Variants in KCNQ1 observed in about 807,000 individuals in gnomAD.
KCNQ1 encodes the protein potassium voltage-gated channel subfamily KQT member 1.
In KCNQ1, 49 loss-of-function variants were observed where a neutral mutation model predicts 72.4. That is an observed-to-expected ratio of 0.68 (90% CI 0.54 to 0.86). The LOEUF is 0.86. Ranked by LOEUF, KCNQ1 falls within the 40% of genes least tolerant of loss-of-function variation. The probability of loss-of-function intolerance (pLI) is 0.00; values close to 1 mark genes in which losing one functional copy is unlikely to be tolerated. For synonymous variants in KCNQ1, 450 were observed against 412.6 expected, an observed-to-expected ratio of 1.09 and a Z score of -1.10; for missense variants, 790 against 945.1, an observed-to-expected ratio of 0.84 and a Z score of 2.15.
Position 2,521,005 on chromosome 11 carries a change from C to G in KCNQ1, c.387-6923C>G, listed in dbSNP as rs938953766. On this transcript the variant is annotated intron_variant, in intron 1 of 15. Transcript: ENST00000155840. ...ACCAGCCACGGGGAACATTTTGAAC[C>G]CTCTGATGCTTGCTCTATGAATGTT... is the stretch of plus-strand genomic sequence containing the variant. 7.9e-5 allele frequency among the ~76,000 whole-genome samples: 11 copies of G among 139,070 alleles called. No individual in the cohort carries two copies. In the East Asian group the frequency reaches 2.4e-3, roughly 30 times the overall value. 91.2% of individuals were successfully genotyped at this position (139,070 alleles called of 152,430 possible). A position where few individuals can be genotyped will look rare whatever the true frequency, so the allele number is the denominator to read the frequency against.
intron 10 of KCNQ1, chr11:2,638,647 T>A (rs965785511): frequency 6.6e-6 from 1 of 152,204 alleles, no homozygotes; most frequent in Non-Finnish European, 1.5e-5. Flanking sequence ...CTGACAATTA[T>A]GTGTCTTGGA....
Position 2,550,790 on chromosome 11 carries a change from A to G in KCNQ1, c.478-19838A>G, listed in dbSNP as rs1024680870. Among the ~76,000 whole-genome samples, 1 of 152,094 alleles carries G rather than the reference A, an allele frequency of 6.6e-6. No homozygotes were observed. The highest frequency in any genetic ancestry group is 1.5e-5 in the Non-Finnish European group (1 of 68,010). On this transcript the variant is annotated intron_variant, in intron 2 of 15. Coordinates refer to ENST00000155840, the MANE Select transcript of KCNQ1 (RefSeq NM_000218.3). The surrounding 1 kb of genome is among the most constrained non-coding windows in gnomAD (Gnocchi z 6.0). Reference sequence around the variant, plus strand: ...CAAATAGGGCTGGAGTCCCGAGTACAAGGCATGGACAGGAGCCAGGCTTCA... The same window carrying G: ...CAAATAGGGCTGGAGTCCCGAGTACGAGGCATGGACAGGAGCCAGGCTTCA...
intron 11 of KCNQ1, chr11:2,694,240 A>C (rs748022688): frequency 2.5e-6 from 1 of 398,694 alleles, no homozygotes; most frequent in Non-Finnish European, 4.4e-6. Context: ...GGCAGGATGC[A>C]AGCCAGGGCC....
In KCNQ1 at chr11:2,678,487, A is replaced by G. The variant is rs1196574039; in HGVS notation, c.1514+16406A>G. 1.8e-5 allele frequency: 7 copies of G among 398,396 alleles called. No individual in the cohort carries two copies. Among genetic ancestry groups the G allele is most frequent in the Non-Finnish European group, 3.1e-5 (7 of 226,054 alleles). 24.7% of individuals were successfully genotyped at this position (398,396 alleles called of 1,614,324 possible). On this transcript the variant is annotated intron_variant, in intron 11 of 15. Transcript: ENST00000155840. The surrounding 1 kb of genome is among the most constrained non-coding windows in gnomAD (Gnocchi z 4.9). ...TTTATCATATTTCAAACTCTCATTT[A>G]ATTTGTGTCCATTTCTAGACTCTAT...
intron 15 of KCNQ1, among the ~76,000 whole-genome samples, chr11:2,841,896 A>C (rs1848221313): frequency 6.6e-6 from 1 of 152,256 alleles, no homozygotes; most frequent in South Asian, 2.1e-4. Flanking sequence ...AGAGGGAGGC[A>C]ACCCCGCTCC....
chr11:2,470,460 G>C (rs1445493091), intron 1 of KCNQ1, among the ~76,000 whole-genome samples: 2 of 152,308 alleles, frequency 1.3e-5, no homozygotes, highest in African/African-American at 4.8e-5. Flanking sequence ...GTATATCCCA[G>C]GGAGGCGGAA....
In KCNQ1 at chr11:2,611,313, G is replaced by A. The variant is rs559177437; in HGVS notation, c.1393+22459G>A. ...TGGCTCACTGCAACCTCTGCCTCCC[G>A]GATTCAAGCCGTTCTCTTGCCTCAG... On this transcript the variant is annotated intron_variant, in intron 10 of 15. Transcript: ENST00000155840. This position sits in a 1 kb window ranked among gnomAD's most constrained non-coding sequence, Gnocchi z 5.3. The A allele has an allele frequency of 3.5e-5, 14 of 397,248 alleles. No homozygotes were observed. The highest frequency in any genetic ancestry group is 1.4e-4 in the South Asian group (1 of 7,004). 24.6% of individuals were successfully genotyped at this position (397,248 alleles called of 1,614,324 possible).
intron 1 of KCNQ1, among the ~76,000 whole-genome samples, chr11:2,520,012 C>T (rs1283357244): frequency 6.6e-6 from 1 of 152,262 alleles, no homozygotes; most frequent in African/African-American, 2.4e-5. Flanking sequence ...CGGGAGCCCG[C>T]AGAGGCTGGA....
intron 11 of KCNQ1, chr11:2,688,666 G>A (rs945074791): frequency 2.0e-5 from 8 of 398,698 alleles, no homozygotes; most frequent in East Asian, 1.1e-4. Flanking sequence ...TGCCTGCTTC[G>A]TTCATTTCCA....
At chr11:2,778,707 G>A (rs1001099802) in intron 15 of KCNQ1, among the ~76,000 whole-genome samples, 3 of 152,204 alleles carry the variant, frequency 2.0e-5, no homozygotes, top group South Asian at 4.1e-4. Context: ...GGTTTGAAGC[G>A]GGCTGTTATC....
At position 2,645,837 on chromosome 11, in the gene KCNQ1, G is replaced by A. The variant is rs1849657578; in HGVS notation, c.1394-16124G>A. On this transcript the variant is annotated intron_variant, in intron 10 of 15. Transcript: ENST00000155840. The surrounding 1 kb of genome is among the most constrained non-coding windows in gnomAD (Gnocchi z 5.8). Reference sequence around the variant, plus strand: ...ATGGGACTTTCCTGAAGTTGCCTGAGGATTCAGGGGATGTGTGAATTGCCT... The same window carrying A: ...ATGGGACTTTCCTGAAGTTGCCTGAAGATTCAGGGGATGTGTGAATTGCCT... 5.0e-6 allele frequency: 2 copies of A among 398,562 alleles called. No individual in the cohort carries two copies. The highest frequency in any genetic ancestry group is 8.8e-6 in the Non-Finnish European group (2 of 226,154). The allele number at this position is 398,562 out of a possible 1,614,324, so 24.7% of individuals were successfully genotyped here.
At chr11:2,635,702 T>C (rs954317589) in intron 10 of KCNQ1, 8 of 152,228 alleles carry the variant, frequency 5.3e-5, no homozygotes, top group African/African-American at 1.9e-4. Context: ...AAAGTAGTTT[T>C]TTTCCAATTC....
At chr11:2,535,808 A>G (rs1305066263) in intron 2 of KCNQ1, among the ~76,000 whole-genome samples, 1 of 152,238 alleles carries the variant, frequency 6.6e-6, no homozygotes, top group Non-Finnish European at 1.5e-5. Context: ...TGCTGGGCGT[A>G]GGATCAGCCT....
rs2133713612 is a variant in KCNQ1 at position 2,563,175 on chromosome 11, A to G, written c.478-7453A>G. Among the ~76,000 whole-genome samples the G allele has an allele frequency of 6.6e-6, 1 of 152,290 alleles. No homozygotes were observed. The highest frequency in any genetic ancestry group is 1.9e-4 in the East Asian group (1 of 5,176). ...TTCCAGCAGCATGGAACTTCAAAAC[A>G]CATTGAACCCCAGAAAATCTTCGCT... On this transcript the variant is annotated intron_variant, in intron 2 of 15. Coordinates refer to ENST00000155840, the MANE Select transcript of KCNQ1 (RefSeq NM_000218.3). The surrounding 1 kb of genome is among the most constrained non-coding windows in gnomAD (Gnocchi z 7.4).
chr11:2,812,029 C>T (rs1017129039), intron 15 of KCNQ1, among the ~76,000 whole-genome samples: 2 of 152,130 alleles, frequency 1.3e-5, no homozygotes, highest in Admixed American at 6.5e-5. Flanking sequence ...CTCCTGGCAC[C>T]GCCGGCCACC....
chr11:2,644,304 T>A (rs1055174364), intron 10 of KCNQ1: 3 of 398,354 alleles, frequency 7.5e-6, no homozygotes, highest in African/African-American at 2.1e-5. Flanking sequence ...GTCTGAGTCA[T>A]TTCAAAAGAC....
chr11:2,789,721 A>G (rs979829847), intron 15 of KCNQ1, among the ~76,000 whole-genome samples: 5 of 152,210 alleles, frequency 3.3e-5, no homozygotes, highest in Non-Finnish European at 7.3e-5. Context: ...TGGCTCTGAG[A>G]TCCACCATGA....
chr11:2,643,303 C>T, intron 10 of KCNQ1: 1 of 398,294 alleles, frequency 2.5e-6, no homozygotes, highest in East Asian at 3.6e-5. Flanking sequence ...CCTTTCCCTT[C>T]AGATTTGATG....
At chr11:2,545,560 GTGAT>G (rs955396123) in intron 2 of KCNQ1, among the ~76,000 whole-genome samples, 4 of 152,212 alleles carry the variant, frequency 2.6e-5, no homozygotes, top group African/African-American at 7.2e-5. Context: ...TTATATTCAG[GTGAT>G]TGATAATAGT....
Sources: gnomAD v4.1 joint callset for allele counts (sites outside exome capture counted in the v4.1 genomes callset) on GRCh38, gnomAD v4.1.1 for gene constraint, Gnocchi (gnomAD v3.1) non-coding constraint, MANE v1.5 for transcripts, NCBI Gene and HGNC (gene_info 2026-07-23, HGNC 2026-07-21) for gene names.